Variants in DGKZ observed in about 807,000 individuals in gnomAD.
DGKZ encodes the protein DAG kinase zeta.
Under a neutral mutation model 142.5 loss-of-function variants are expected in DGKZ, and 45 were observed. That is an observed-to-expected ratio of 0.32 (90% CI 0.25 to 0.40). The LOEUF (loss-of-function observed/expected upper bound fraction) is 0.40, where lower values mean the gene tolerates loss of function less well. Ranked by LOEUF, DGKZ falls within the 10% of genes least tolerant of loss-of-function variation. DGKZ has a pLI of 1.00. For missense variants in DGKZ, 755 were observed against 1,306.5 expected, an observed-to-expected ratio of 0.58 and a Z score of 6.51; for synonymous variants, 442 against 527.0, an observed-to-expected ratio of 0.84 and a Z score of 2.21.
chr11:46,359,424 G>A (rs950365551), intron 1 of DGKZ, among the ~76,000 whole-genome samples: 5 of 152,036 alleles, frequency 3.3e-5, no homozygotes, highest in Admixed American at 6.6e-5. Context: ...CAGCCTGGGC[G>A]ATAAGAGCCA....
intron 1 of DGKZ, among the ~76,000 whole-genome samples, chr11:46,351,704 T>C (rs973100575): frequency 5.3e-5 from 8 of 152,166 alleles, no homozygotes; most frequent in Non-Finnish European, 7.4e-5. Flanking sequence ...ATCCTTGGGT[T>C]CCAGCAAGTT....
At chr11:46,358,781 G>A (rs1191322710) in intron 1 of DGKZ, among the ~76,000 whole-genome samples, 4 of 152,150 alleles carry the variant, frequency 2.6e-5, no homozygotes, top group Non-Finnish European at 4.4e-5. Flanking sequence ...AGAGCCTGAC[G>A]GCTTCCTCAG....
exon 31 of DGKZ, chr11:46,379,855 GAGA>G: frequency 6.2e-7 from 1 of 1,610,744 alleles, no homozygotes; most frequent in Non-Finnish European, 8.5e-7. Context: ...GCAGCGGGCT[GAGA>G]AGGCTCAGGA....
chr11:46,366,246 A>G (rs1943230995), intron 1 of DGKZ: 2 of 1,565,292 alleles, frequency 1.3e-6, no homozygotes, highest in Non-Finnish European at 1.7e-6. Flanking sequence ...CCCAACAGCC[A>G]ACCGCCTGCC....
At position 46,372,601 on chromosome 11, in the gene DGKZ, C is replaced by T. The variant is rs1183338001; in HGVS notation, c.1011-16C>T. On this transcript the variant is annotated splice_polypyrimidine_tract_variant and intron_variant, in intron 11 of 30. Coordinates refer to ENST00000527911, the Ensembl canonical transcript of DGKZ. The surrounding 1 kb of genome is among the most constrained non-coding windows in gnomAD (Gnocchi z 5.9). ...ACACATCCCCTGACCCCACTGCCAT[C>T]TTCCCATGAGCCCAGGCTGGAGATG... is the stretch of plus-strand genomic sequence containing the variant. 2.5e-6 allele frequency: 4 copies of T among 1,613,784 alleles called. No individual in the cohort carries two copies. The highest frequency in any genetic ancestry group is 3.4e-6 in the Non-Finnish European group (4 of 1,180,006).
intron 1 of DGKZ, among the ~76,000 whole-genome samples, chr11:46,354,241 C>T (rs1166715724): frequency 6.6e-6 from 1 of 152,218 alleles, no homozygotes; most frequent in East Asian, 1.9e-4. Context: ...GGCTGGAGTG[C>T]AGTGGCACAA....
chr11:46,366,417 C>A, intron 1 of DGKZ: 1 of 1,536,274 alleles, frequency 6.5e-7, no homozygotes, highest in South Asian at 1.2e-5. Context: ...CGCTCCAGCG[C>A]CCAGCTCCAG....
intron 1 of DGKZ, among the ~76,000 whole-genome samples, chr11:46,349,965 G>A (rs1400829987): frequency 6.6e-6 from 1 of 152,154 alleles, no homozygotes; most frequent in Non-Finnish European, 1.5e-5. Flanking sequence ...AGCTTCCCAG[G>A]TGATTCTCAT....
chr11:46,377,292 T>A (rs1944661503), intron 25 of DGKZ, 80 bp downstream of exon 25: 1 of 1,484,298 alleles, frequency 6.7e-7, no homozygotes, highest in Admixed American at 2.5e-5. Flanking sequence ...TCCCTGCTTC[T>A]AGCCCCTCCA....
At position 46,379,602 on chromosome 11, in the gene DGKZ, C is replaced by T. The variant is rs369065744; in HGVS notation, c.2688+34C>T. ...ACGGCAGGCAGGGAGCCCACGAGGGCACCAACCAAACCTTTCCCAAGGTCC... is the reference window on the plus strand; with the variant it reads ...ACGGCAGGCAGGGAGCCCACGAGGGTACCAACCAAACCTTTCCCAAGGTCC... On this transcript the variant is annotated intron_variant, in intron 30 of 30. Transcript: ENST00000527911. The T allele has an allele frequency of 3.6e-5, 56 of 1,559,642 alleles. No individual in the cohort carries two copies. The South Asian group carries it at 5.4e-4, about 15-fold the overall frequency.
intron 1 of DGKZ, chr11:46,362,107 C>T (rs1388453732): frequency 6.6e-6 from 1 of 152,420 alleles, no homozygotes; most frequent in Non-Finnish European, 1.5e-5. Flanking sequence ...TTCCCTCCAA[C>T]CCAGGTCTGT....
At chr11:46,369,780 C>A in intron 5 of DGKZ, 161 bp from the exon 6 acceptor site, 1 of 908,212 alleles carries the variant, frequency 1.1e-6, no homozygotes, top group Non-Finnish European at 1.7e-6. Context: ...TGAGTCTGAG[C>A]CTCCCCCAGG....
upstream of DGKZ, chr11:46,345,510 C>CG (rs1442705109): frequency 1.3e-6 from 2 of 1,518,146 alleles, no homozygotes; most frequent in East Asian, 5.4e-5. The surrounding 1 kb of genome is among the most constrained non-coding windows in gnomAD (Gnocchi z 4.1). Flanking sequence ...GGGGAGCGGC[C>CG]GGGGTCACTG....
chr11:46,372,903 G>C lies in DGKZ; in HGVS notation c.1185+19G>C. The C allele has an allele frequency of 1.9e-6, 3 of 1,564,860 alleles. No individual in the cohort carries two copies. The highest frequency in any genetic ancestry group is 2.3e-5 in the South Asian group (2 of 85,416). ...GGGTGGGGTAAGCACCCATAGGAGG[G>C]GGGTGCAGCTGGGGCCTCTCCAGCC... On this transcript the variant is annotated intron_variant, in intron 13 of 30. Transcript: ENST00000527911. This position sits in a 1 kb window ranked among gnomAD's most constrained non-coding sequence, Gnocchi z 5.9.
chr11:46,377,102 A>G (rs1374909152), exon 25 of DGKZ: 2 of 1,612,984 alleles, frequency 1.2e-6, no homozygotes, highest in Non-Finnish European at 1.7e-6. Flanking sequence ...CTGAGATCGC[A>G]CAGGATGAGA....
exon 23 of DGKZ, chr11:46,376,337 G>A: frequency 6.2e-7 from 1 of 1,614,052 alleles, no homozygotes; most frequent in Non-Finnish European, 8.5e-7. Context: ...GGAGCCCGAT[G>A]GTGCTGGAGC....
chr11:46,370,087 C>T lies in DGKZ; in HGVS notation c.570+78C>T, dbSNP rs1943779832. ...AGGCCATGTGGCCGGTGTGGCCTGC[C>T]GATCACTGACCACACCCTGGTGTGC... On this transcript the variant is annotated intron_variant, in intron 6 of 30. Coordinates refer to ENST00000527911, the Ensembl canonical transcript of DGKZ. The T allele has an allele frequency of 3.9e-5, 61 of 1,557,918 alleles. No homozygotes were observed. The South Asian group carries it at 6.7e-4, about 17-fold the overall frequency.
chr11:46,333,687 G>T (rs1939876416), intron 1 of DGKZ, among the ~76,000 whole-genome samples: 2 of 152,204 alleles, frequency 1.3e-5, no homozygotes, highest in African/African-American at 4.8e-5. Flanking sequence ...AACCGTGAAA[G>T]CCGTATTCAT....
chr11:46,374,564 A>C (rs563892132), intron 16 of DGKZ, 40 bp from the exon 17 acceptor site: 2 of 1,601,404 alleles, frequency 1.2e-6, no homozygotes, highest in Admixed American at 1.7e-5. Flanking sequence ...GTGAGGAAAG[A>C]TCTCTGTCAG....
Sources: gnomAD v4.1 joint callset for allele counts (sites outside exome capture counted in the v4.1 genomes callset) on GRCh38, gnomAD v4.1.1 for gene constraint, Gnocchi (gnomAD v3.1) non-coding constraint, MANE v1.5 for transcripts, NCBI Gene and HGNC (gene_info 2026-07-23, HGNC 2026-07-21) for gene names.